The following CNTNAP2 variants were observed in gnomAD, a reference collection of about 807,000 sequenced individuals.
CNTNAP2 encodes contactin-associated protein-like 2.
CNTNAP2 carries 98 observed loss-of-function variants against 155.2 expected under a neutral mutation model. That is an observed-to-expected ratio of 0.63 (90% CI 0.54 to 0.75). The LOEUF (loss-of-function observed/expected upper bound fraction) is 0.75. Ranked by LOEUF, CNTNAP2 falls within the 30% of genes least tolerant of loss-of-function variation. The probability of loss-of-function intolerance (pLI) is 0.00; values close to 1 mark genes in which losing one functional copy is unlikely to be tolerated. For missense variants in CNTNAP2, 1,727 were observed against 1,688.1 expected (o/e 1.02, Z -0.40); for synonymous variants, 651 against 631.2 (o/e 1.03, Z -0.47).
At chr7:148,392,978 G>A (rs1401216872) in intron 22 of CNTNAP2, among the ~76,000 whole-genome samples, 1 of 152,172 alleles carries the variant, frequency 6.6e-6, no homozygotes, top group Non-Finnish European at 1.5e-5. Flanking sequence ...ATTGGTTTCT[G>A]AAGACCTCTT....
intron 1 of CNTNAP2, among the ~76,000 whole-genome samples, chr7:146,134,091 G>A (rs1296177885): frequency 6.7e-6 from 1 of 149,418 alleles, no homozygotes; most frequent in South Asian, 2.2e-4. Context: ...TTATTTCCTT[G>A]AGCAGTGGTT....
chr7:148,358,383 A>G (rs1170275031), intron 21 of CNTNAP2, among the ~76,000 whole-genome samples: 1 of 152,124 alleles, frequency 6.6e-6, no homozygotes, highest in Non-Finnish European at 1.5e-5. Flanking sequence ...CATGGCAAGA[A>G]CTCTCAGACT....
At chr7:146,954,023 C>T (rs911845813) in intron 3 of CNTNAP2, among the ~76,000 whole-genome samples, 1 of 151,848 alleles carries the variant, frequency 6.6e-6, no homozygotes, top group South Asian at 2.1e-4. Flanking sequence ...CACCATATAA[C>T]GTGGGTTATA....
rs141184941 is a variant in CNTNAP2 at position 146,555,703 on chromosome 7, T to G, written c.98-218568T>G. On this transcript the variant is annotated intron_variant, in intron 1 of 23. Coordinates refer to ENST00000361727, the MANE Select transcript of CNTNAP2 (RefSeq NM_014141.6). ...TGAAATTACCATCCAAAAAACGTGTTTGGGTGAGCAAGTGGTACCACATCT... is the reference window on the plus strand; with the variant it reads ...TGAAATTACCATCCAAAAAACGTGTGTGGGTGAGCAAGTGGTACCACATCT... 4.6e-3 allele frequency among the ~76,000 whole-genome samples: 699 copies of G among 152,254 alleles called. 5 individuals carry two copies. Among genetic ancestry groups the G allele is most frequent in the African/African-American group, 0.016 (653 of 41,542 alleles).
chr7:148,009,763 T>C (rs985826461), intron 15 of CNTNAP2, among the ~76,000 whole-genome samples: 1 of 152,182 alleles, frequency 6.6e-6, no homozygotes, highest in African/African-American at 2.4e-5. Context: ...TTCTTATTAA[T>C]GTATGCAGTC....
At chr7:146,252,863 A>G (rs1294295471) in intron 1 of CNTNAP2, among the ~76,000 whole-genome samples, 1 of 150,416 alleles carries the variant, frequency 6.6e-6, no homozygotes, top group African/African-American at 2.5e-5. Context: ...AAATGTGCCC[A>G]TAGTGTCTTA....
intron 21 of CNTNAP2, among the ~76,000 whole-genome samples, chr7:148,327,001 C>G (rs950761324): frequency 6.6e-5 from 10 of 152,204 alleles, no homozygotes; most frequent in African/African-American, 2.4e-4. Context: ...TACACGTGCT[C>G]CCCTCTGGAA....
chr7:146,657,084 C>G (rs777574273), intron 1 of CNTNAP2, among the ~76,000 whole-genome samples: 15 of 152,138 alleles, frequency 9.9e-5, no homozygotes, highest in African/African-American at 1.7e-4. Flanking sequence ...GTAGCTCTCT[C>G]TGTGTGTGTG....
chr7:147,211,888 T>A (rs971553059), intron 8 of CNTNAP2, among the ~76,000 whole-genome samples: 3 of 152,068 alleles, frequency 2.0e-5, no homozygotes, highest in African/African-American at 7.2e-5. Context: ...GGAGACAATA[T>A]TTGCAAACTA....
chr7:148,292,955 A>G (rs1464859207), intron 21 of CNTNAP2, among the ~76,000 whole-genome samples: 1 of 152,170 alleles, frequency 6.6e-6, no homozygotes, highest in East Asian at 1.9e-4. Context: ...CTACACCGGC[A>G]AATTTTTCTT....
intron 4 of CNTNAP2, among the ~76,000 whole-genome samples, chr7:147,049,116 A>G (rs901987038): frequency 6.6e-5 from 10 of 152,196 alleles, no homozygotes; most frequent in Non-Finnish European, 1.0e-4. Flanking sequence ...CATAACAGGA[A>G]ACAGAGCCCT....
intron 15 of CNTNAP2, among the ~76,000 whole-genome samples, chr7:148,079,191 C>G (rs1414845014): frequency 6.6e-6 from 1 of 152,100 alleles, no homozygotes; most frequent in African/African-American, 2.4e-5. Context: ...AAACATGTGC[C>G]CAAGGTGGTC....
At chr7:148,367,777 G>C (rs768653393) in intron 21 of CNTNAP2, among the ~76,000 whole-genome samples, 4 of 152,048 alleles carry the variant, frequency 2.6e-5, no homozygotes, top group Admixed American at 6.6e-5. Context: ...CTGAAACAAA[G>C]TACGCAACAT....
At chr7:147,670,287 C>T (rs998345479) in intron 13 of CNTNAP2, among the ~76,000 whole-genome samples, 7 of 152,104 alleles carry the variant, frequency 4.6e-5, no homozygotes, top group African/African-American at 1.7e-4. Context: ...ACCTGAGGTC[C>T]GTGTTCCAAT....
At chr7:148,046,450 G>A (rs1353243083) in intron 15 of CNTNAP2, among the ~76,000 whole-genome samples, 1 of 152,088 alleles carries the variant, frequency 6.6e-6, no homozygotes, top group Non-Finnish European at 1.5e-5. Context: ...ATTCACATGG[G>A]TGTAATTTTT....
intron 14 of CNTNAP2, among the ~76,000 whole-genome samples, chr7:147,908,608 G>A (rs991985825): frequency 2.0e-5 from 3 of 152,194 alleles, no homozygotes; most frequent in Non-Finnish European, 4.4e-5. Flanking sequence ...GCACTGTCAC[G>A]ATCATTGCTG....
At chr7:146,162,671 T>G (rs951133772) in intron 1 of CNTNAP2, among the ~76,000 whole-genome samples, 9 of 152,294 alleles carry the variant, frequency 5.9e-5, no homozygotes, top group Non-Finnish European at 1.0e-4. Flanking sequence ...ATACCCAAAG[T>G]ATTATAAATC....
intron 21 of CNTNAP2, among the ~76,000 whole-genome samples, chr7:148,365,633 C>A (rs897848277): frequency 8.6e-5 from 13 of 151,948 alleles, no homozygotes; most frequent in Admixed American, 5.9e-4. Context: ...CCATTGTACT[C>A]CAGCCTGGGC....
At position 147,466,458 on chromosome 7, in the gene CNTNAP2, C is replaced by A. The variant is rs1220157670; in HGVS notation, c.1671-19477C>A. Among the ~76,000 whole-genome samples the A allele has an allele frequency of 2.6e-5, 4 of 152,178 alleles. No individual in the cohort carries two copies. In the East Asian group the frequency reaches 7.7e-4, roughly 29 times the overall value. On this transcript the variant is annotated intron_variant, in intron 10 of 23. Transcript: ENST00000361727. ...GGAAAAGGGGTTCTGGTTTCTATGACCCACTTTGGGGAAGAGGGATTCTAG... is the reference window on the plus strand; with the variant it reads ...GGAAAAGGGGTTCTGGTTTCTATGAACCACTTTGGGGAAGAGGGATTCTAG...
Sources: allele counts gnomAD v4.1 joint callset (sites outside exome capture counted in the v4.1 genomes callset), GRCh38; gene constraint gnomAD v4.1.1; transcripts MANE v1.5; gene names NCBI Gene and HGNC (gene_info 2026-07-23, HGNC 2026-07-21).